Variants in TMEM176B observed in about 807,000 individuals in gnomAD.
The protein encoded by TMEM176B is transmembrane protein 176B.
Under a neutral mutation model 30.3 loss-of-function variants are expected in TMEM176B, and 28 were observed. The observed-to-expected ratio is 0.92, with a 90% CI of 0.68 to 1.27. The LOEUF (loss-of-function observed/expected upper bound fraction) is 1.27. TMEM176B is among the 50% of genes most tolerant of loss of function. TMEM176B has a pLI of 0.00. For missense variants in TMEM176B, 349 were observed against 327.4 expected, an observed-to-expected ratio of 1.07 and a Z score of -0.51; for synonymous variants, 123 against 130.3, an observed-to-expected ratio of 0.94 and a Z score of 0.38.
At chr7:150,793,700 G>A in intron 3 of TMEM176B, 100 bp from the exon 4 acceptor site, 1 of 1,314,122 alleles carries the variant, frequency 7.6e-7, no homozygotes, top group Non-Finnish European at 1.1e-6. Context: ...ATGTGAAGCA[G>A]GATCCCAGGG....
intron 5 of TMEM176B, among the ~76,000 whole-genome samples, chr7:150,792,525 T>C (rs1360611472): frequency 6.6e-6 from 1 of 152,192 alleles, no homozygotes; most frequent in African/African-American, 2.4e-5. Flanking sequence ...GTACTCCCCA[T>C]TGGAATCCAG....
chr7:150,791,707 G>A, intron 6 of TMEM176B, 84 bp from the exon 7 acceptor site: 2 of 1,249,864 alleles, frequency 1.6e-6, no homozygotes, highest in Non-Finnish European at 2.2e-6. Flanking sequence ...GCAGAAAGAG[G>A]AAAGGAGGAG....
At chr7:150,801,241 G>C (rs566364954), upstream of TMEM176B, 138 of 268,222 alleles carry the variant, frequency 5.1e-4, no homozygotes, top group African/African-American at 1.6e-3. Context: ...CGAGGTGTGG[G>C]GCGCTGCTTG....
chr7:150,799,163 T>C (rs1798657784), intron 1 of TMEM176B, among the ~76,000 whole-genome samples: 1 of 152,230 alleles, frequency 6.6e-6, no homozygotes, highest in South Asian at 2.1e-4. Flanking sequence ...TTGCTGTCAT[T>C]CAGATGTTTA....
intron 3 of TMEM176B, 121 bp downstream of exon 3, chr7:150,793,840 A>C: frequency 1.0e-6 from 1 of 983,216 alleles, no homozygotes; most frequent in Non-Finnish European, 1.5e-6. Context: ...CCTCATGGCC[A>C]AAGGCCATTT....
chr7:150,792,003 C>T (rs1268893094), intron 6 of TMEM176B, 53 bp downstream of exon 6: 1 of 1,609,794 alleles, frequency 6.2e-7, no homozygotes, highest in Admixed American at 1.7e-5. Flanking sequence ...ACCTGTCCCA[C>T]ACACTCACCA....
At chr7:150,797,199 C>T (rs1798563256) in intron 1 of TMEM176B, among the ~76,000 whole-genome samples, 4 of 152,290 alleles carry the variant, frequency 2.6e-5, no homozygotes, top group South Asian at 4.1e-4. Flanking sequence ...CCTACCATGA[C>T]ATTTTTGCAT....
In TMEM176B at chr7:150,796,520, G is replaced by A. The variant is rs1431766873; in HGVS notation, c.50C>T (p.Pro17Leu). 3.1e-6 allele frequency: 5 copies of A among 1,614,090 alleles called. No individual in the cohort carries two copies. In the African/African-American group the frequency reaches 6.7e-5, roughly 22 times the overall value. Residue 17 changes from proline (P) to leucine (L), a missense_variant, in exon 2 of 7, where the codon CCA becomes CTA. Transcript: ENST00000326442. ...IVNGVAMASR[P>L]SQPTHVNVHI... ...GACGTTGACGTGGGTGGGCTGGGATGGCCTAGAGGCCATAGCAACTCCATT... is the reference window on the plus strand; with the variant it reads ...GACGTTGACGTGGGTGGGCTGGGATAGCCTAGAGGCCATAGCAACTCCATT...
chr7:150,791,916 G>A (rs2116669346), intron 6 of TMEM176B, 140 bp downstream of exon 6: 1 of 1,279,520 alleles, frequency 7.8e-7, no homozygotes, highest in Non-Finnish European at 1.1e-6. Context: ...ACAGCAAAGG[G>A]GAGAGCTGCA....
rs544279517 is a variant in TMEM176B at position 150,796,709 on chromosome 7, A to G, written c.-5-135T>C. The G allele has an allele frequency of 2.9e-5, 26 of 884,912 alleles. No homozygotes were observed. The African/African-American group carries it at 4.3e-4, about 15-fold the overall frequency. 54.8% of individuals were successfully genotyped at this position (884,912 alleles called of 1,614,324 possible). On this transcript the variant is annotated intron_variant, in intron 1 of 6. Coordinates refer to ENST00000326442, the MANE Select transcript of TMEM176B (RefSeq NM_001101312.2). Reference sequence around the variant, plus strand: ...CACAATAGCTCACGCCTGTAATCCCAGTGCTTTGGGAGGCTGAGGTGGGTG... The same window carrying G: ...CACAATAGCTCACGCCTGTAATCCCGGTGCTTTGGGAGGCTGAGGTGGGTG...
chr7:150,800,997 G>A, upstream of TMEM176B: 3 of 985,684 alleles, frequency 3.0e-6, no homozygotes, highest in Non-Finnish European at 2.4e-6. Context: ...ACCTACCTCC[G>A]CACCGCAGCG....
chr7:150,792,959 C>T (rs1478598543), intron 5 of TMEM176B, 129 bp downstream of exon 5: 80 of 800,406 alleles, frequency 1.0e-4, no homozygotes, highest in Non-Finnish European at 1.3e-4. Context: ...TACATTAAAA[C>T]CTCCTGAATG....
intron 6 of TMEM176B, 114 bp downstream of exon 6, chr7:150,791,942 A>G: frequency 6.9e-7 from 1 of 1,459,382 alleles, no homozygotes; most frequent in South Asian, 1.2e-5. Flanking sequence ...AAAGAAGCTG[A>G]GGGGCACCAG....
At position 150,791,547 on chromosome 7, in the gene TMEM176B, G is replaced by T. The variant is rs755028553; in HGVS notation, c.797C>A (p.Thr266Asn). The change falls in exon 7 of 7, where the codon ACT becomes AAT. Residue 266 changes from threonine (T) to asparagine (N), a missense_variant. Transcript: ENST00000326442. ...TTTGGCAGCTCACAGGACAATGGCA[G>T]TGGAGGTCTGCTCCCTAGAGGGCGA... The part of the protein sequence containing the change: ...PPSPSREQTS[T>N]AIVL 2 of 1,613,880 alleles carry T rather than the reference G, an allele frequency of 1.2e-6. No individual in the cohort carries two copies.
chr7:150,794,907 C>CCACCCACACA (rs1798462730), intron 2 of TMEM176B, among the ~76,000 whole-genome samples: 2 of 141,594 alleles, frequency 1.4e-5, no homozygotes, highest in African/African-American at 5.3e-5. Flanking sequence ...TCCCCTACTA[C>CCACCCACACA]CACACACACA....
chr7:150,793,874 C>T, intron 3 of TMEM176B, 87 bp downstream of exon 3: 17 of 1,250,944 alleles, frequency 1.4e-5, no homozygotes, highest in Non-Finnish European at 1.8e-5. Flanking sequence ...TTGGTCGCTT[C>T]CCCAAAGCCC....
At chr7:150,799,173 A>G (rs1798658067) in intron 1 of TMEM176B, among the ~76,000 whole-genome samples, 1 of 152,210 alleles carries the variant, frequency 6.6e-6, no homozygotes, top group Admixed American at 6.5e-5. Flanking sequence ...TCAGATGTTT[A>G]ACTTCTGAAA....
Position 150,791,760 on chromosome 7 carries a change from AAAC to A in TMEM176B, c.721-140_721-138del, listed in dbSNP as rs1167790001. On this transcript the variant is annotated intron_variant, in intron 6 of 6. Transcript: ENST00000326442. ...AGGAAAAGCAGATCAGGCAAAAAAAAAACAAGGTGGCAGAGGAAGGGGAGTCAG... is the reference window on the plus strand; with the variant it reads ...AGGAAAAGCAGATCAGGCAAAAAAAAAAGGTGGCAGAGGAAGGGGAGTCAG... The A allele has an allele frequency of 8.9e-6, 8 of 898,590 alleles. No homozygotes were observed. In the Admixed American group the frequency reaches 1.7e-4, roughly 19 times the overall value. 55.7% of individuals were successfully genotyped at this position (898,590 alleles called of 1,614,324 possible). A position where few individuals can be genotyped will look rare whatever the true frequency, so the allele number is the denominator to read the frequency against.
At chr7:150,798,093 T>G (rs1489899072) in intron 1 of TMEM176B, among the ~76,000 whole-genome samples, 1 of 152,162 alleles carries the variant, frequency 6.6e-6, no homozygotes, top group Non-Finnish European at 1.5e-5. Flanking sequence ...TTTGACAAAT[T>G]TACACATTTG....
Sources: gnomAD v4.1 joint callset for allele counts (sites outside exome capture counted in the v4.1 genomes callset) on GRCh38, gnomAD v4.1.1 for gene constraint, MANE v1.5 for transcripts, NCBI Gene and HGNC (gene_info 2026-07-23, HGNC 2026-07-21) for gene names.